DCAF5: variants seen among roughly 807,000 people sequenced by gnomAD.
The protein encoded by DCAF5 is DDB1- and CUL4-associated factor 5.
DCAF5 carries 9 observed loss-of-function variants against 80.7 expected under a neutral mutation model. The ratio of observed to expected loss-of-function variants is 0.11; its 90% CI spans 0.07 to 0.19. DCAF5 has a LOEUF of 0.19. DCAF5 is among the 10% of genes least tolerant of loss of function. The pLI is 1.00. For synonymous variants in DCAF5, 433 were observed against 461.9 expected (o/e 0.94, Z 0.80); for missense variants, 842 against 1,205.7 (o/e 0.70, Z 4.47).
intron 7 of DCAF5, among the ~76,000 whole-genome samples, chr14:69,074,586 AC>A (rs776368784): frequency 7.2e-5 from 11 of 152,334 alleles, no homozygotes; most frequent in Non-Finnish European, 1.3e-4. Flanking sequence ...GCCCCAGGGA[AC>A]ATACCTGTCC....
At chr14:69,122,071 T>C in intron 2 of DCAF5, 146 bp downstream of exon 2, 1 of 931,554 alleles carries the variant, frequency 1.1e-6, no homozygotes, top group Admixed American at 2.5e-5. Flanking sequence ...ATAATACTGC[T>C]GTAATGCAGA....
At chr14:69,079,374 T>C (rs1285415117) in intron 6 of DCAF5, among the ~76,000 whole-genome samples, 1 of 152,154 alleles carries the variant, frequency 6.6e-6, no homozygotes, top group Non-Finnish European at 1.5e-5. Flanking sequence ...GGCTTCCTCT[T>C]AGGGATAAAG....
rs755631495 is a variant in DCAF5 at position 69,054,633 on chromosome 14, C to T, written c.2053G>A (p.Val685Met). ...SNNKDGETSL[V>M]TGEADEGRAG... is the part of the protein sequence containing the mutation. ...CTCCCTTCATCTGCCTCCCCGGTCA[C>T]CAAGGAGGTCTCTCCATCTTTGTTA... The change falls in exon 9 of 9, where the codon GTG (valine) becomes ATG (methionine). Residue 685 changes from valine (V) to methionine (M), a missense_variant. Val to Met is a conservative substitution (Grantham distance 21). Coordinates refer to ENST00000341516, the MANE Select transcript of DCAF5 (RefSeq NM_003861.3). 8.1e-6 allele frequency: 13 copies of T among 1,614,026 alleles called. No individual in the cohort carries two copies. In the Middle Eastern group the frequency reaches 4.9e-4, roughly 61 times the overall value.
chr14:69,120,146 C>T (rs1174674622), intron 2 of DCAF5, among the ~76,000 whole-genome samples: 4 of 151,996 alleles, frequency 2.6e-5, no homozygotes, highest in Admixed American at 6.6e-5. Context: ...TGCAGTGGTG[C>T]AATCATGGTT....
chr14:69,080,021 C>T (rs2039042041), intron 6 of DCAF5, among the ~76,000 whole-genome samples: 1 of 151,974 alleles, frequency 6.6e-6, no homozygotes, highest in African/African-American at 2.4e-5. Flanking sequence ...AATGAGGCAG[C>T]AAGTTATGTG....
At chr14:69,078,035 G>C (rs531370295) in intron 6 of DCAF5, among the ~76,000 whole-genome samples, 11 of 152,266 alleles carry the variant, frequency 7.2e-5, no homozygotes, top group Admixed American at 1.3e-4. Flanking sequence ...GAATGTTGGA[G>C]GCTGGATTAG....
At chr14:69,126,986 C>T (rs1246390821) in intron 1 of DCAF5, among the ~76,000 whole-genome samples, 1 of 152,092 alleles carries the variant, frequency 6.6e-6, no homozygotes. Context: ...TAGATGACAC[C>T]AAATGCTGGT....
intron 1 of DCAF5, among the ~76,000 whole-genome samples, chr14:69,150,053 GTGTACTCATAA>G (rs2041654416): frequency 6.6e-6 from 1 of 152,236 alleles, no homozygotes; most frequent in South Asian, 2.1e-4. Flanking sequence ...TAACACAGCT[GTGTACTCATAA>G]TGGAAGGTAA....
At position 69,152,332 on chromosome 14, in the gene DCAF5, G is replaced by C. The variant is rs2041732753; in HGVS notation, c.214+433C>G. On this transcript the variant is annotated intron_variant, in intron 1 of 8. Coordinates refer to ENST00000341516, the MANE Select transcript of DCAF5 (RefSeq NM_003861.3). This position sits in a 1 kb window ranked among gnomAD's most constrained non-coding sequence, Gnocchi z 4.1. ...CCCAAGACCCCTTTTCCTTAACGCC[G>C]GCGACGGGGGCTTCAGCTCCCCCTT... 1 of 153,980 alleles carries C rather than the reference G, an allele frequency of 6.5e-6. No individual in the cohort carries two copies. The highest frequency in any genetic ancestry group is 2.4e-5 in the African/African-American group (1 of 41,380). 9.5% of individuals were successfully genotyped at this position (153,980 alleles called of 1,614,324 possible).
intron 6 of DCAF5, among the ~76,000 whole-genome samples, chr14:69,082,777 A>G (rs2039164581): frequency 6.6e-6 from 1 of 152,188 alleles, no homozygotes; most frequent in African/African-American, 2.4e-5. Context: ...CTGAGGAAGT[A>G]ACATTATTTT....
At chr14:69,144,432 C>A (rs189241641) in intron 1 of DCAF5, among the ~76,000 whole-genome samples, 5 of 151,704 alleles carry the variant, frequency 3.3e-5, no homozygotes, top group Non-Finnish European at 5.9e-5. Context: ...ATTAGCTGGG[C>A]GTGGTGGCGG....
chr14:69,095,236 GTC>G (rs2039662958), intron 5 of DCAF5, among the ~76,000 whole-genome samples: 1 of 152,156 alleles, frequency 6.6e-6, no homozygotes, highest in African/African-American at 2.4e-5. Context: ...AAATGCCACT[GTC>G]TCTACTCCTT....
chr14:69,084,870 T>C, intron 6 of DCAF5: 2 of 1,235,742 alleles, frequency 1.6e-6, no homozygotes, highest in Non-Finnish European at 2.4e-6. Context: ...AACTGGATTG[T>C]TCAGTATGAC....
At chr14:69,125,236 C>T (rs527360332) in intron 1 of DCAF5, among the ~76,000 whole-genome samples, 13 of 152,138 alleles carry the variant, frequency 8.5e-5, no homozygotes, top group Non-Finnish European at 1.6e-4. Flanking sequence ...AGGGATTGTC[C>T]GCCTTAGTAG....
intron 1 of DCAF5, among the ~76,000 whole-genome samples, chr14:69,136,319 T>C (rs894820304): frequency 4.6e-5 from 7 of 152,132 alleles, no homozygotes; most frequent in Admixed American, 6.5e-5. Flanking sequence ...TCTTGCTATG[T>C]TGCCCAAGCT....
In DCAF5 at chr14:69,147,910, G is replaced by A. The variant is rs116614546; in HGVS notation, c.214+4855C>T. On this transcript the variant is annotated intron_variant, in intron 1 of 8. Transcript: ENST00000341516. ...TATAAGTTCCAATGCCTTAAACTTC[G>A]ATTCAGGGGAAATAATATAGCCACT... Among the ~76,000 whole-genome samples the A allele has an allele frequency of 2.9e-3, 435 of 152,038 alleles. 4 individuals carry two copies. Among genetic ancestry groups the A allele is most frequent in the African/African-American group, 0.01 (420 of 41,480 alleles).
chr14:69,133,143 A>C (rs1030309260), intron 1 of DCAF5, among the ~76,000 whole-genome samples: 2 of 152,346 alleles, frequency 1.3e-5, no homozygotes, highest in African/African-American at 4.8e-5. Context: ...TCCTTTTAAC[A>C]ACCCCACGAA....
Position 69,055,563 on chromosome 14 carries a change from G to A in DCAF5, c.1123C>T (p.Arg375Trp), listed in dbSNP as rs2139825763. 2 of 1,611,272 alleles carry A rather than the reference G, an allele frequency of 1.2e-6. No homozygotes were observed. Among genetic ancestry groups the A allele is most frequent in the Non-Finnish European group, 1.7e-6 (2 of 1,177,558 alleles). Reference sequence around the variant, plus strand: ...AGGCAGCGGGAATCGTCCTCAATCCGACCGTCGAGGTCTCCAGTACATCCT... The same window carrying A: ...AGGCAGCGGGAATCGTCCTCAATCCAACCGTCGAGGTCTCCAGTACATCCT... The part of the protein sequence containing the change: ...QPGCTGDLDG[R>W]IEDDSRCLYT... The change falls in exon 9 of 9, where the codon CGG (arginine) becomes TGG (tryptophan). Residue 375 changes from arginine (R) to tryptophan (W), a missense_variant. Physicochemically the swap from Arg to Trp is moderately radical, Grantham distance 101 (BLOSUM62 -3). Transcript: ENST00000341516. This position sits in a 1 kb window ranked among gnomAD's most constrained non-coding sequence, Gnocchi z 5.6.
chr14:69,075,210 T>A, intron 7 of DCAF5, 135 bp downstream of exon 7: 1 of 557,094 alleles, frequency 1.8e-6, no homozygotes, highest in Non-Finnish European at 3.1e-6. Flanking sequence ...ATTTTTATTT[T>A]TAAATTTCCT....
Sources: gnomAD v4.1 joint callset for allele counts (sites outside exome capture counted in the v4.1 genomes callset) on GRCh38, gnomAD v4.1.1 for gene constraint, Gnocchi (gnomAD v3.1) non-coding constraint, MANE v1.5 for transcripts, NCBI Gene and HGNC (gene_info 2026-07-23, HGNC 2026-07-21) for gene names.